CD8B2: variants seen among roughly 807,000 people sequenced by gnomAD.
The protein encoded by CD8B2 is T-cell surface glycoprotein CD8 beta-2 chain.
CD8B2 carries 11 observed loss-of-function variants against 23.7 expected under a neutral mutation model. The observed-to-expected ratio is 0.46, with a 90% CI of 0.29 to 0.77. The LOEUF (loss-of-function observed/expected upper bound fraction) is 0.77. CD8B2 is among the 30% of genes least tolerant of loss of function. The probability of loss-of-function intolerance (pLI) is 0.09; values close to 1 mark genes in which losing one functional copy is unlikely to be tolerated. For synonymous variants in CD8B2, 90 were observed against 109.3 expected (o/e 0.82, Z 1.10); for missense variants, 197 against 270.5 (o/e 0.73, Z 1.91).
chr2:106,496,852 C>CACA (rs1379234465), intron 3 of CD8B2, among the ~76,000 whole-genome samples: 14 of 151,984 alleles, frequency 9.2e-5, no homozygotes, highest in Non-Finnish European at 1.5e-4. Flanking sequence ...ATAATGGTTG[C>CACA]ACAACTCCAT....
In CD8B2 at chr2:106,491,038, C is replaced by A; in HGVS notation, c.208C>A (p.Leu70Met). 1 of 1,613,964 alleles carries A rather than the reference C, an allele frequency of 6.2e-7. No individual in the cohort carries two copies. Among genetic ancestry groups the A allele is most frequent in the Admixed American group, 1.7e-5 (1 of 60,016 alleles). ...GAGCAGTGATAGTCACCACGAGTTCCTGACCCTCTGGGATTCCGCAAAAGG... is the reference window on the plus strand; with the variant it reads ...GAGCAGTGATAGTCACCACGAGTTCATGACCCTCTGGGATTCCGCAAAAGG... ...APSSDSHHEF[L>M]TLWDSAKGTI... Residue 70 changes from leucine (L) to methionine (M), a missense_variant, in exon 2 of 6, where the codon CTG becomes ATG. This residue lies in a region of CD8B2 where 140 missense variants were observed against 164.2 expected (regional missense o/e 0.85). Coordinates refer to ENST00000643224, the MANE Select transcript of CD8B2 (RefSeq NM_001349727.2).
chr2:106,540,579 T>C (rs2104577986), intron 5 of CD8B2, among the ~76,000 whole-genome samples: 1 of 152,168 alleles, frequency 6.6e-6, no homozygotes, highest in East Asian at 1.9e-4. Flanking sequence ...CCTTTTTTTT[T>C]TTTGAGATGG....
At chr2:106,511,772 C>T (rs1221377345), downstream of CD8B2, among the ~76,000 whole-genome samples, 3 of 152,204 alleles carry the variant, frequency 2.0e-5, no homozygotes, top group East Asian at 1.9e-4. Flanking sequence ...GCGTCACTGA[C>T]ACTCCCGGGG....
At chr2:106,512,238 G>A (rs1445009307), downstream of CD8B2, among the ~76,000 whole-genome samples, 3 of 152,036 alleles carry the variant, frequency 2.0e-5, no homozygotes, top group African/African-American at 7.3e-5. Context: ...ACCACACCTG[G>A]CTAATTTTTT....
chr2:106,512,053 G>T (rs144130426), downstream of CD8B2, among the ~76,000 whole-genome samples: 230 of 152,282 alleles, frequency 1.5e-3, no homozygotes, highest in African/African-American at 5.4e-3. Flanking sequence ...AAATTTGAAA[G>T]GAAACCATGT....
intron 2 of CD8B2, among the ~76,000 whole-genome samples, chr2:106,493,425 G>C (rs1270115235): frequency 6.6e-6 from 1 of 152,190 alleles, no homozygotes; most frequent in Non-Finnish European, 1.5e-5. Context: ...GTCTCCCCTA[G>C]ACCCAGGCGG....
intron 5 of CD8B2, chr2:106,521,631 G>A (rs1193272434): frequency 6.6e-6 from 1 of 152,232 alleles, no homozygotes; most frequent in Non-Finnish European, 1.5e-5. Context: ...CATGTGGCTA[G>A]AGTGAGCAGC....
Position 106,504,328 on chromosome 2 carries a change from A to T in CD8B2, c.620+3A>T, listed in dbSNP as rs1286964902. The T allele has an allele frequency of 6.4e-7, 1 of 1,555,396 alleles. No individual in the cohort carries two copies. Among genetic ancestry groups the T allele is most frequent in the African/African-American group, 1.4e-5 (1 of 73,238 alleles). ...GCCCGGCTTCGTTTCATGAAACAGTAAGTGTATAACCTGGGTGTGGCCTTG... is the reference window on the plus strand; with the variant it reads ...GCCCGGCTTCGTTTCATGAAACAGTTAGTGTATAACCTGGGTGTGGCCTTG... On this transcript the variant is annotated splice_donor_region_variant and intron_variant, in intron 5 of 5. Coordinates refer to ENST00000643224, the MANE Select transcript of CD8B2 (RefSeq NM_001349727.2).
intron 3 of CD8B2, among the ~76,000 whole-genome samples, chr2:106,500,930 A>T (rs1232075370): frequency 6.6e-6 from 1 of 152,162 alleles, no homozygotes; most frequent in African/African-American, 2.4e-5. Context: ...CTTATAAGAA[A>T]TTAGGGAATT....
intron 5 of CD8B2, among the ~76,000 whole-genome samples, chr2:106,505,370 C>T (rs1304049571): frequency 1.3e-5 from 2 of 152,116 alleles, no homozygotes; most frequent in Non-Finnish European, 2.9e-5. Flanking sequence ...GTTTGAATCC[C>T]GTCTGCCAAT....
intron 5 of CD8B2, among the ~76,000 whole-genome samples, chr2:106,526,244 C>CAAA (rs34580273): frequency 8.0e-6 from 1 of 124,766 alleles, no homozygotes; most frequent in African/African-American, 2.9e-5. Flanking sequence ...GACTCCATCT[C>CAAA]AAAAAAAAAA....
intron 5 of CD8B2, among the ~76,000 whole-genome samples, chr2:106,542,787 T>G (rs570502035): frequency 6.6e-6 from 1 of 151,238 alleles, no homozygotes; most frequent in South Asian, 2.1e-4. Context: ...TATAAAAGTA[T>G]ATACATTTTA....
chr2:106,512,760 T>G (rs541917201), downstream of CD8B2, among the ~76,000 whole-genome samples: 38 of 152,310 alleles, frequency 2.5e-4, no homozygotes, highest in South Asian at 6.0e-3. Context: ...AGTTTCTTGA[T>G]GCTGGTTCAA....
chr2:106,520,960 G>A (rs116355331), intron 5 of CD8B2, among the ~76,000 whole-genome samples: 1,606 of 142,838 alleles, frequency 0.011, 21 homozygotes, highest in African/African-American at 0.04. Flanking sequence ...GCAAAAGAAA[G>A]AGATAGGAGA....
rs969601775 is a variant in CD8B2, at chr2:106,507,584, G to A, written c.*644G>A. 4 of 968,052 alleles carry A rather than the reference G, an allele frequency of 4.1e-6. No homozygotes were observed. The African/African-American group carries it at 7.0e-5, about 17-fold the overall frequency. The allele number at this position is 968,052 out of a possible 1,614,324, so 60.0% of individuals were successfully genotyped here. ...CAGCTCCCATTTCTACTCTCCCATG[G>A]CTTAATGCTTCTTTCATTTTCTGTT... On this transcript the variant is annotated 3_prime_UTR_variant, in exon 6 of 6. Coordinates refer to ENST00000643224, the MANE Select transcript of CD8B2 (RefSeq NM_001349727.2).
At chr2:106,503,527 A>G (rs1441708310) in intron 4 of CD8B2, among the ~76,000 whole-genome samples, 3 of 152,270 alleles carry the variant, frequency 2.0e-5, no homozygotes, top group African/African-American at 7.2e-5. Context: ...TTTGAAACAC[A>G]TTTAATAACA....
chr2:106,506,869 G>A, intron 5 of CD8B2, 59 bp from the exon 6 acceptor site: 3 of 1,599,452 alleles, frequency 1.9e-6, no homozygotes, highest in Non-Finnish European at 1.7e-6. Flanking sequence ...CTCTGTTACA[G>A]GAAATTCAAT....
rs1024261553 is a variant in CD8B2 at position 106,496,126 on chromosome 2, C to T, written c.404-47C>T. On this transcript the variant is annotated intron_variant, in intron 2 of 5. Coordinates refer to ENST00000643224, the MANE Select transcript of CD8B2 (RefSeq NM_001349727.2). ...AGACAAAGTTTTGTCTTTGAGTCCA[C>T]GTGGTGTTCACTTGGCTAAGATATG... The T allele has an allele frequency of 1.1e-4, 174 of 1,548,670 alleles. 1 individual carries two copies. The highest frequency in any genetic ancestry group is 4.1e-4 in the South Asian group (34 of 83,814).
intron 2 of CD8B2, among the ~76,000 whole-genome samples, chr2:106,495,567 T>G (rs549548601): frequency 6.6e-6 from 1 of 152,116 alleles, no homozygotes; most frequent in Non-Finnish European, 1.5e-5. Flanking sequence ...AAAATAAAAA[T>G]AAATAAATCA....
Sources: gnomAD v4.1 joint callset for allele counts (sites outside exome capture counted in the v4.1 genomes callset) on GRCh38, gnomAD v4.1.1 for gene constraint, gnomAD v4.1.1 regional missense constraint, MANE v1.5 for transcripts, NCBI Gene and HGNC (gene_info 2026-07-23, HGNC 2026-07-21) for gene names.